Variants in MAP4K1 observed in about 807,000 individuals in gnomAD.
MAP4K1 encodes mitogen-activated protein kinase kinase kinase kinase 1, also known as MAPK/ERK kinase kinase kinase 1.
In MAP4K1, 35 loss-of-function variants were observed where a neutral mutation model predicts 122.8. That is an observed-to-expected ratio of 0.29 (90% CI 0.22 to 0.38). MAP4K1 has a LOEUF of 0.38. Ranked by LOEUF, MAP4K1 falls within the 10% of genes least tolerant of loss-of-function variation. The probability of loss-of-function intolerance (pLI) is 1.00; values close to 1 mark genes in which losing one functional copy is unlikely to be tolerated. For synonymous variants in MAP4K1, 412 were observed against 421.3 expected (o/e 0.98, Z 0.27); for missense variants, 791 against 1,072.6 (o/e 0.74, Z 3.67).
At chr19:38,594,938 C>A (rs1020807313) in intron 29 of MAP4K1, among the ~76,000 whole-genome samples, 3 of 145,856 alleles carry the variant, frequency 2.1e-5, no homozygotes, top group Admixed American at 1.4e-4. Flanking sequence ...AAGAATCCAT[C>A]TCCAAAAATA....
intron 13 of MAP4K1, 62 bp downstream of exon 13, chr19:38,609,534 A>G (rs928815745): frequency 1.8e-5 from 25 of 1,428,190 alleles, no homozygotes; most frequent in Non-Finnish European, 2.4e-5. Flanking sequence ...TGGTAGGGGA[A>G]GGTGGTCTCT....
chr19:38,612,291 A>G (rs1402138365), intron 9 of MAP4K1, among the ~76,000 whole-genome samples: 1 of 151,290 alleles, frequency 6.6e-6, no homozygotes, highest in East Asian at 1.9e-4. Flanking sequence ...GTGGTGGTGC[A>G]CACCTGCAGC....
rs1305043938 is a variant in MAP4K1 at position 38,610,031 on chromosome 19, G to C, written c.811-6C>G. 1 of 1,592,462 alleles carries C rather than the reference G, an allele frequency of 6.3e-7. No homozygotes were observed. The highest frequency in any genetic ancestry group is 8.6e-7 in the Non-Finnish European group (1 of 1,160,492). ...GGCTGGGATACCAGTTGATGCTGGCGGAGGGAAGAGGTGTCCGTATCCAGA... is the reference window on the plus strand; with the variant it reads ...GGCTGGGATACCAGTTGATGCTGGCCGAGGGAAGAGGTGTCCGTATCCAGA... On this transcript the variant is annotated splice_polypyrimidine_tract_variant and splice_region_variant and intron_variant, in intron 11 of 30. Coordinates refer to ENST00000396857, the MANE Select transcript of MAP4K1 (RefSeq NM_001042600.3).
At chr19:38,590,436 T>TATATATAA (rs1246449708) in intron 30 of MAP4K1, among the ~76,000 whole-genome samples, 52 of 110,662 alleles carry the variant, frequency 4.7e-4, no homozygotes, top group Non-Finnish European at 8.1e-4. Context: ...TATATATATA[T>TATATATAA]AATCACGGGC....
At chr19:38,611,928 G>A (rs1211690048) in intron 9 of MAP4K1, among the ~76,000 whole-genome samples, 3 of 152,064 alleles carry the variant, frequency 2.0e-5, no homozygotes, top group Admixed American at 6.6e-5. Context: ...GTGAAACCCC[G>A]TCTCTACCAA....
intron 22 of MAP4K1, among the ~76,000 whole-genome samples, chr19:38,598,970 G>A (rs1235597001): frequency 7.4e-6 from 1 of 135,890 alleles, no homozygotes; most frequent in South Asian, 2.4e-4. Flanking sequence ...CCGAGACTGC[G>A]CCACTGCACT....
At chr19:38,599,337 G>A (rs1974990411) in intron 22 of MAP4K1, among the ~76,000 whole-genome samples, 2 of 118,558 alleles carry the variant, frequency 1.7e-5, no homozygotes, top group Non-Finnish European at 1.6e-5. Flanking sequence ...AACTGAGTGA[G>A]ACTCGGTCTC....
At position 38,605,677 on chromosome 19, in the gene MAP4K1, C is replaced by T; in HGVS notation, c.1254G>A (p.Gly418=). Residue 418 remains glycine (G), a synonymous_variant, in exon 18 of 31, where the codon GGG becomes GGA. Transcript: ENST00000396857. The stretch of plus-strand genomic sequence containing the variant: ...GGACCAGCACCCCCGGGCTCAGCTG[C>T]CCATCATCCCCCATGCTCCCAGGAC... ...DEGPGSMGDD[G]QLSPGVLVRC... 1.9e-6 allele frequency: 3 copies of T among 1,606,418 alleles called. No individual in the cohort carries two copies. The highest frequency in any genetic ancestry group is 1.3e-5 in the African/African-American group (1 of 74,538).
rs149013375 is a variant in MAP4K1, at chr19:38,594,026, C to T, written c.2341-689G>A. 8.1e-3 allele frequency among the ~76,000 whole-genome samples: 1,226 copies of T among 152,270 alleles called. 32 individuals are homozygous for T. The highest frequency in any genetic ancestry group is 0.06 in the East Asian group (310 of 5,182). On this transcript the variant is annotated intron_variant, in intron 29 of 30. Transcript: ENST00000396857. ...GCACAGGAAGGTTAAGTCATTTGCC[C>T]AAGGCCACTCAGCTGAATTCCAACC...
intron 30 of MAP4K1, among the ~76,000 whole-genome samples, chr19:38,590,965 T>TCACACACA (rs58402161): frequency 2.3e-4 from 32 of 137,400 alleles, no homozygotes; most frequent in Non-Finnish European, 3.4e-4. Context: ...CATTAAAAAA[T>TCACACACA]CACACACACA....
At chr19:38,593,532 G>A (rs767381235) in intron 29 of MAP4K1, among the ~76,000 whole-genome samples, 195 bp from the exon 30 acceptor site, 10 of 152,076 alleles carry the variant, frequency 6.6e-5, no homozygotes, top group African/African-American at 2.2e-4. Context: ...GCAAAACCTC[G>A]TCTCTACTAA....
chr19:38,607,159 A>C (rs757473145), intron 16 of MAP4K1, among the ~76,000 whole-genome samples: 3 of 151,982 alleles, frequency 2.0e-5, no homozygotes, highest in African/African-American at 7.3e-5. Flanking sequence ...GGTGGGGTCA[A>C]GTCAGAGATT....
At chr19:38,613,019 C>G (rs1453457863) in intron 8 of MAP4K1, among the ~76,000 whole-genome samples, 1 of 152,066 alleles carries the variant, frequency 6.6e-6, no homozygotes, top group Non-Finnish European at 1.5e-5. Flanking sequence ...TATCAAGACC[C>G]TATCTCGGCT....
intron 4 of MAP4K1, chr19:38,614,747 C>G (rs1432392062): frequency 2.7e-5 from 11 of 411,792 alleles, no homozygotes. Context: ...ATGGTGAAAC[C>G]CCATCTCTAC....
intron 25 of MAP4K1, 86 bp from the exon 26 acceptor site, chr19:38,596,572 C>T (rs1974893356): frequency 8.9e-7 from 1 of 1,118,444 alleles, no homozygotes; most frequent in East Asian, 2.6e-5. Context: ...CCTGGGACTT[C>T]CGAACCAGGG....
chr19:38,605,351 CACCAGGCAT>C, intron 19 of MAP4K1, 49 bp downstream of exon 19: 21 of 1,321,564 alleles, frequency 1.6e-5, no homozygotes, highest in Non-Finnish European at 2.1e-5. Flanking sequence ...CTCCCCACCC[CACCAGGCAT>C]CCCCAGCCCC....
intron 25 of MAP4K1, 71 bp from the exon 26 acceptor site, chr19:38,596,557 G>T: frequency 7.7e-7 from 1 of 1,295,020 alleles, no homozygotes; most frequent in Non-Finnish European, 1.0e-6. Flanking sequence ...GTGGCTTGTA[G>T]CTGGCCTGGG....
chr19:38,611,708 C>A (rs1454895432), intron 9 of MAP4K1, among the ~76,000 whole-genome samples: 3 of 152,122 alleles, frequency 2.0e-5, no homozygotes, highest in African/African-American at 7.2e-5. Context: ...TGAGCCCCGG[C>A]ATTCAAGGCT....
intron 30 of MAP4K1, among the ~76,000 whole-genome samples, chr19:38,592,224 T>C (rs935406733): frequency 9.2e-5 from 14 of 151,806 alleles, no homozygotes; most frequent in African/African-American, 3.4e-4. Context: ...CAGTGAGCTG[T>C]GTGTGTAACA....
Sources: gnomAD v4.1 joint callset for allele counts (sites outside exome capture counted in the v4.1 genomes callset) on GRCh38, gnomAD v4.1.1 for gene constraint, MANE v1.5 for transcripts, NCBI Gene and HGNC (gene_info 2026-07-23, HGNC 2026-07-21) for gene names.